The following ANK2 variants were observed in gnomAD, a reference collection of about 807,000 sequenced individuals.
The protein encoded by ANK2 is ankyrin 2.
In ANK2, 83 loss-of-function variants were observed where a neutral mutation model predicts 360.5. The ratio of observed to expected loss-of-function variants is 0.23; its 90% confidence interval spans 0.19 to 0.28. The LOEUF is 0.28. Among genes scored for constraint, ANK2 ranks in the 10% least tolerant of loss-of-function variants. The pLI, the probability that ANK2 is intolerant of heterozygous loss-of-function variation, is 1.00. For missense variants in ANK2, 4,201 were observed against 4,795.7 expected (o/e 0.88, Z 3.66); for synonymous variants, 1,740 against 1,759.5 (o/e 0.99, Z 0.28).
At position 113,335,890 on chromosome 4, in the gene ANK2, A is replaced by G. The variant is rs775233245; in HGVS notation, c.3424A>G (p.Ile1142Val). The G allele has an allele frequency of 6.2e-7, 1 of 1,614,182 alleles. No individual in the cohort carries two copies. The highest frequency in any genetic ancestry group is 8.5e-7 in the Non-Finnish European group (1 of 1,180,036). ...CCTAGAAAAGAAACGAATCTGCCGC[A>G]TCATCACCCGAGACTTCCCACAGTA... ...EDLEKKRICRIITRDFPQYFA... is the reference protein window; with the variant it reads ...EDLEKKRICRVITRDFPQYFA... The change falls in exon 30 of 46, where the codon ATC becomes GTC. Residue 1142 changes from isoleucine to valine, a missense_variant. Physicochemically the swap from Ile to Val is conservative, Grantham distance 29 (BLOSUM62 3). Transcript: ENST00000357077.
chr4:113,150,956 T>A, intron 1 of ANK2: 1 of 775,506 alleles, frequency 1.3e-6, no homozygotes, highest in Non-Finnish European at 1.8e-6. Context: ...ATAAGCTCTA[T>A]TTTCTTTGAA....
chr4:112,855,972 AG>A (rs1180889818), intron 1 of ANK2, among the ~76,000 whole-genome samples: 1 of 152,156 alleles, frequency 6.6e-6, no homozygotes, highest in African/African-American at 2.4e-5. Context: ...TGGTGAGTGA[AG>A]TTTAGATGTG....
At chr4:113,022,492 A>T (rs2058388516) in intron 2 of ANK2, among the ~76,000 whole-genome samples, 2 of 152,186 alleles carry the variant, frequency 1.3e-5, no homozygotes, top group Admixed American at 6.5e-5. Flanking sequence ...CTAGCATCTT[A>T]GTCGCATCCT....
chr4:112,970,550 T>G (rs2039142490), intron 2 of ANK2, among the ~76,000 whole-genome samples: 1 of 152,164 alleles, frequency 6.6e-6, no homozygotes, highest in African/African-American at 2.4e-5. Flanking sequence ...GAGATTGGGT[T>G]TCATCATATT....
rs145642096 is a variant in ANK2, at chr4:113,136,912, C to G, written c.85-37504C>G. ...AGCTGGAATTACAGGTGCGTGCCAC[C>G]AGGCCTAGCTAATTTTTGTATTTTT... is the stretch of plus-strand genomic sequence containing the variant. On this transcript the variant is annotated intron_variant, in intron 1 of 45. Transcript: ENST00000357077. Among the ~76,000 whole-genome samples, 1,058 of 152,148 alleles carry G rather than the reference C, an allele frequency of 7.0e-3. 13 individuals are homozygous for G. The highest frequency in any genetic ancestry group is 0.021 in the African/African-American group (872 of 41,518).
chr4:112,790,264 A>G, the ANK2 span, among the ~76,000 whole-genome samples: 1 of 152,228 alleles, frequency 6.6e-6, no homozygotes, highest in Non-Finnish European at 1.5e-5. Context: ...ATAAGAAGGA[A>G]TTAGTGGATT....
At chr4:113,340,241 T>C (rs1164555824) in intron 32 of ANK2, among the ~76,000 whole-genome samples, 1 of 152,124 alleles carries the variant, frequency 6.6e-6, no homozygotes, top group Non-Finnish European at 1.5e-5. Flanking sequence ...TTGGGATAGC[T>C]AGAGAGGGTA....
In ANK2 at chr4:113,341,813, T is replaced by C. The variant is rs768146550; in HGVS notation, c.4019T>C (p.Ile1340Thr). 5 of 1,613,994 alleles carry C rather than the reference T, an allele frequency of 3.1e-6. No homozygotes were observed. The highest frequency in any genetic ancestry group is 1.1e-5 in the South Asian group (1 of 91,086). The part of the protein sequence containing the change: ...FVVFAKSHDP[I>T]EARLRCFCMT... ...GTGTTTGCCAAATCACATGACCCCATTGAAGCCAGGTTGAGGTGTTTCTGC... is the reference window on the plus strand; with the variant it reads ...GTGTTTGCCAAATCACATGACCCCACTGAAGCCAGGTTGAGGTGTTTCTGC... Residue 1340 changes from isoleucine (I) to threonine (T), a missense_variant, in exon 33 of 46, where the codon ATT (isoleucine) becomes ACT (threonine). By Grantham distance (89) the Ile-to-Thr change is moderately conservative (BLOSUM62 -1). Transcript: ENST00000357077.
intron 2 of ANK2, among the ~76,000 whole-genome samples, chr4:113,024,383 C>G (rs1261254768): frequency 6.6e-6 from 1 of 151,872 alleles, no homozygotes; most frequent in Non-Finnish European, 1.5e-5. Flanking sequence ...TAAAATTTTT[C>G]TCTCTCTAGT....
chr4:113,369,011 A>G (rs1251680574), intron 42 of ANK2, among the ~76,000 whole-genome samples: 5 of 152,182 alleles, frequency 3.3e-5, no homozygotes, highest in Admixed American at 1.3e-4. Context: ...TTTCCATGTC[A>G]ACAGATGCCT....
intron 36 of ANK2, among the ~76,000 whole-genome samples, chr4:113,348,730 A>C (rs1482459467): frequency 2.0e-5 from 3 of 152,098 alleles, no homozygotes; most frequent in African/African-American, 7.2e-5. Context: ...CAAACTATAA[A>C]GGAGTCTCCC....
intron 2 of ANK2, among the ~76,000 whole-genome samples, chr4:113,004,929 G>A (rs12501276): frequency 0.12 from 17,777 of 152,076 alleles, 1,492 homozygotes; most frequent in East Asian, 0.39. Flanking sequence ...ATCACGTGGC[G>A]CATGACTGTA....
At chr4:113,295,998 T>C (rs975408399) in intron 22 of ANK2, among the ~76,000 whole-genome samples, 1 of 151,190 alleles carries the variant, frequency 6.6e-6, no homozygotes, top group Non-Finnish European at 1.5e-5. Context: ...CCACATAATA[T>C]TTTTTCCACA....
intron 1 of ANK2, among the ~76,000 whole-genome samples, chr4:113,106,685 GT>G (rs2093666033): frequency 6.6e-6 from 1 of 152,052 alleles, no homozygotes; most frequent in Non-Finnish European, 1.5e-5. Flanking sequence ...TTGTTAGTTT[GT>G]TTTTGTTTTG....
intron 1 of ANK2, among the ~76,000 whole-genome samples, chr4:113,063,411 C>T (rs1471871352): frequency 6.6e-6 from 1 of 152,078 alleles, no homozygotes; most frequent in Non-Finnish European, 1.5e-5. Context: ...TTCTCTGTGT[C>T]TAGTCAAGGT....
intron 1 of ANK2, among the ~76,000 whole-genome samples, chr4:112,818,677 G>A (rs1028350786): frequency 2.6e-5 from 4 of 152,134 alleles, no homozygotes; most frequent in Admixed American, 6.5e-5. Context: ...TGTCTGTGCC[G>A]GAGAAAGTGG....
At chr4:112,844,139 A>G (rs2062772928) in intron 1 of ANK2, among the ~76,000 whole-genome samples, 1 of 152,184 alleles carries the variant, frequency 6.6e-6, no homozygotes, top group South Asian at 2.1e-4. Flanking sequence ...AAAAAGCTGT[A>G]TTCACCATTT....
the ANK2 span, among the ~76,000 whole-genome samples, chr4:112,742,811 G>T: frequency 7.1e-4 from 107 of 151,028 alleles, no homozygotes; most frequent in African/African-American, 2.5e-3. Flanking sequence ...TGCAACCTCT[G>T]CCTCCCGGGT....
the ANK2 span, among the ~76,000 whole-genome samples, chr4:112,707,740 T>G: frequency 1.3e-5 from 2 of 152,312 alleles, no homozygotes; most frequent in Middle Eastern, 3.4e-3. Flanking sequence ...ACTCAGACAT[T>G]TCTATGAAAT....
Sources: gnomAD v4.1 joint callset for allele counts (sites outside exome capture counted in the v4.1 genomes callset) on GRCh38, gnomAD v4.1.1 for gene constraint, MANE v1.5 for transcripts, NCBI Gene and HGNC (gene_info 2026-07-23, HGNC 2026-07-21) for gene names.